The following TENM3 variants were observed in gnomAD, a reference collection of about 807,000 sequenced individuals.
The protein encoded by TENM3 is teneurin-3.
A neutral mutation model predicts 255.1 loss-of-function variants in TENM3; 63 were observed. The ratio of observed to expected loss-of-function variants is 0.25; its 90% confidence interval spans 0.20 to 0.30. TENM3 has a LOEUF of 0.30. Among genes scored for constraint, TENM3 ranks in the 10% least tolerant of loss-of-function variants. TENM3 has a pLI of 1.00. For synonymous variants in TENM3, 1,306 were observed against 1,322.3 expected, an observed-to-expected ratio of 0.99 and a Z score of 0.27; for missense variants, 2,929 against 3,461.1, an observed-to-expected ratio of 0.85 and a Z score of 3.86.
intron 3 of TENM3, among the ~76,000 whole-genome samples, chr4:182,526,193 G>A (rs1739153007): frequency 6.6e-6 from 1 of 151,826 alleles, no homozygotes; most frequent in Non-Finnish European, 1.5e-5. Context: ...TGTTAGCCAG[G>A]ATGGGCTCGA....
the TENM3 span, among the ~76,000 whole-genome samples, chr4:181,509,736 G>T: frequency 1.3e-5 from 2 of 152,210 alleles, no homozygotes. Flanking sequence ...GGTGCTAAGG[G>T]TGAGGGATAT....
intron 1 of TENM3, among the ~76,000 whole-genome samples, chr4:182,318,933 A>G (rs556576100): frequency 4.6e-5 from 7 of 151,844 alleles, no homozygotes; most frequent in Admixed American, 1.3e-4. Flanking sequence ...ATGCCCAGCT[A>G]ATTTTTGATT....
intron 3 of TENM3, among the ~76,000 whole-genome samples, chr4:182,400,635 AAGTATAATAAAT>A (rs1331881304): frequency 5.9e-5 from 9 of 152,240 alleles, no homozygotes; most frequent in Non-Finnish European, 1.2e-4. Context: ...CAGTCTAACA[AAGTATAATAAAT>A]AGCAAAATCA....
At chr4:181,935,425 C>T in the TENM3 span, among the ~76,000 whole-genome samples, 2 of 152,264 alleles carry the variant, frequency 1.3e-5, no homozygotes, top group Admixed American at 6.5e-5. Flanking sequence ...CAGAAACTCT[C>T]ATTCCTCTTT....
the TENM3 span, among the ~76,000 whole-genome samples, chr4:181,903,348 G>C: frequency 1.3e-5 from 2 of 152,186 alleles, no homozygotes; most frequent in African/African-American, 4.8e-5. Context: ...CAGTTGAACA[G>C]TGTCTAGAAT....
the TENM3 span, among the ~76,000 whole-genome samples, chr4:181,863,635 C>T: frequency 6.6e-6 from 1 of 152,102 alleles, no homozygotes; most frequent in South Asian, 2.1e-4. Context: ...TTAAGCCTTT[C>T]TCCTGGGTCC....
At chr4:181,715,639 G>T in the TENM3 span, among the ~76,000 whole-genome samples, 1 of 152,214 alleles carries the variant, frequency 6.6e-6, no homozygotes, top group African/African-American at 2.4e-5. Context: ...GGTATGCAGT[G>T]AGATTCTTCA....
At chr4:181,723,897 T>G in the TENM3 span, among the ~76,000 whole-genome samples, 1 of 152,214 alleles carries the variant, frequency 6.6e-6, no homozygotes, top group African/African-American at 2.4e-5. Context: ...AAACTAGAGA[T>G]AGTGTATCCC....
At chr4:182,268,195 T>C (rs1165798536) in intron 1 of TENM3, among the ~76,000 whole-genome samples, 1 of 152,204 alleles carries the variant, frequency 6.6e-6, no homozygotes, top group African/African-American at 2.4e-5. Flanking sequence ...TGTATAGGAA[T>C]ACAGGACAAG....
chr4:181,677,677 C>G, the TENM3 span, among the ~76,000 whole-genome samples: 6 of 152,072 alleles, frequency 3.9e-5, no homozygotes, highest in African/African-American at 9.7e-5. Context: ...ACCTGGTTCT[C>G]TCTTGTTTAA....
chr4:182,172,192 A>G (rs1350438860), intron 1 of TENM3, among the ~76,000 whole-genome samples: 1 of 152,116 alleles, frequency 6.6e-6, no homozygotes, highest in Non-Finnish European at 1.5e-5. Flanking sequence ...TTGAATTTGT[A>G]TTTACTAACA....
the TENM3 span, among the ~76,000 whole-genome samples, chr4:181,569,710 T>C: frequency 2.0e-5 from 3 of 152,158 alleles, no homozygotes; most frequent in African/African-American, 7.2e-5. Context: ...TAATTTCTGG[T>C]CTCAGGATAG....
At chr4:182,049,667 C>T in the TENM3 span, among the ~76,000 whole-genome samples, 2 of 152,190 alleles carry the variant, frequency 1.3e-5, no homozygotes, top group Non-Finnish European at 2.9e-5. Flanking sequence ...GGGAAAGTGG[C>T]ACTCAAGGAG....
chr4:182,096,903 T>C, the TENM3 span, among the ~76,000 whole-genome samples: 1 of 152,218 alleles, frequency 6.6e-6, no homozygotes, highest in South Asian at 2.1e-4. Context: ...GAGAAATCTA[T>C]ACATTAAAAA....
At chr4:182,014,171 CATAT>C in the TENM3 span, among the ~76,000 whole-genome samples, 1 of 145,364 alleles carries the variant, frequency 6.9e-6, no homozygotes, top group South Asian at 2.1e-4. Flanking sequence ...CATATATATA[CATAT>C]ATATATGTGT....
chr4:182,289,192 C>T (rs549420009), intron 1 of TENM3, among the ~76,000 whole-genome samples: 5 of 152,308 alleles, frequency 3.3e-5, no homozygotes, highest in East Asian at 1.9e-4. Context: ...ATTGCGCCAC[C>T]GCACTCCAGC....
chr4:181,850,805 G>C, the TENM3 span, among the ~76,000 whole-genome samples: 57,903 of 151,952 alleles, frequency 0.38, 11,501 homozygotes, highest in Admixed American at 0.5. Flanking sequence ...TTGTTCCACT[G>C]AGTGTTTTTG....
At chr4:181,464,757 C>G in the TENM3 span, among the ~76,000 whole-genome samples, 3 of 152,006 alleles carry the variant, frequency 2.0e-5, no homozygotes, top group African/African-American at 4.8e-5. Context: ...TTGAGACCAG[C>G]CTGGCCAATA....
At chr4:182,489,206 A>T (rs1436457772) in intron 3 of TENM3, among the ~76,000 whole-genome samples, 13 of 152,134 alleles carry the variant, frequency 8.5e-5, no homozygotes. Flanking sequence ...TTTTGAACGC[A>T]TGAAGCCTTA....
Sources: allele counts gnomAD v4.1 joint callset (sites outside exome capture counted in the v4.1 genomes callset), GRCh38; gene constraint gnomAD v4.1.1; transcripts MANE v1.5; gene names NCBI Gene and HGNC (gene_info 2026-07-23, HGNC 2026-07-21).